VAV2: variants seen among roughly 807,000 people sequenced by gnomAD.
VAV2 encodes guanine nucleotide exchange factor VAV2.
In VAV2, 67 loss-of-function variants were observed where a neutral mutation model predicts 132.5. The ratio of observed to expected loss-of-function variants is 0.51; its 90% CI spans 0.42 to 0.62. VAV2 has a LOEUF of 0.62. Among genes scored for constraint, VAV2 ranks in the 20% least tolerant of loss-of-function variants. The pLI, the probability that VAV2 is intolerant of heterozygous loss-of-function variation, is 0.00. For synonymous variants in VAV2, 492 were observed against 443.5 expected (o/e 1.11, Z -1.37); for missense variants, 938 against 1,153.6 (o/e 0.81, Z 2.71).
intron 3 of VAV2, among the ~76,000 whole-genome samples, chr9:133,835,151 T>C (rs1214939266): frequency 1.3e-5 from 2 of 152,348 alleles, no homozygotes; most frequent in Admixed American, 6.5e-5. Flanking sequence ...ATAATTATAA[T>C]TGTTTTTCTC....
At chr9:133,789,180 AC>A in intron 14 of VAV2, 77 bp downstream of exon 14, 1 of 1,531,702 alleles carries the variant, frequency 6.5e-7, no homozygotes, top group East Asian at 2.3e-5. Flanking sequence ...TTCCAGAGCC[AC>A]TTAGGAGTGG....
chr9:133,786,051 C>T (rs534652896), intron 16 of VAV2, 166 bp from the exon 17 acceptor site: 155 of 698,464 alleles, frequency 2.2e-4, no homozygotes, highest in African/African-American at 1.8e-3. Context: ...TACCTGCTCT[C>T]TTGCCCATGC....
Position 133,910,692 on chromosome 9 carries a change from C to T in VAV2, c.321+28411G>A, listed in dbSNP as rs531055276. Reference sequence around the variant, plus strand: ...ACAAAAACTTAGCCGAGCGTGGTGGCGGGCGCCTGTAGTCCCAGCTACTCG... The same window carrying T: ...ACAAAAACTTAGCCGAGCGTGGTGGTGGGCGCCTGTAGTCCCAGCTACTCG... On this transcript the variant is annotated intron_variant, in intron 2 of 29. Transcript: ENST00000371850. Among the ~76,000 whole-genome samples the T allele has an allele frequency of 8.0e-3, 1,198 of 150,656 alleles. 20 individuals are homozygous for T. The highest frequency in any genetic ancestry group is 0.027 in the African/African-American group (1,113 of 41,040).
At position 133,769,668 on chromosome 9, in the gene VAV2, C is replaced by T. The variant is rs917609903; in HGVS notation, c.2348-165G>A. 6.6e-6 allele frequency among the ~76,000 whole-genome samples: 1 copy of T among 152,130 alleles called. No homozygotes were observed. The highest frequency in any genetic ancestry group is 1.5e-5 in the Non-Finnish European group (1 of 68,002). On this transcript the variant is annotated intron_variant, in intron 27 of 29. Transcript: ENST00000371850. This position sits in a 1 kb window ranked among gnomAD's most constrained non-coding sequence, Gnocchi z 8.1. ...AGGGGGCAGCACGGGTTGTCAAGCC[C>T]CACCCAGGCACAGGTGCCACTCGGC...
At chr9:133,875,445 C>T (rs536762634) in intron 2 of VAV2, among the ~76,000 whole-genome samples, 2 of 152,208 alleles carry the variant, frequency 1.3e-5, no homozygotes, top group African/African-American at 4.8e-5. Flanking sequence ...AGAGGGGGCC[C>T]CACAGACAAA....
At position 133,777,238 on chromosome 9, in the gene VAV2, TG is replaced by T; in HGVS notation, c.1965+150del. ...CACAGCCCCCCACCCATCTTCTCTC[TG>T]GGCTCCAGCTCCAGGAAGCAGCTCA... On this transcript the variant is annotated intron_variant, in intron 23 of 29. Transcript: ENST00000371850. The T allele has an allele frequency of 4.1e-6, 3 of 727,304 alleles. No homozygotes were observed. In the South Asian group the frequency reaches 5.2e-5, roughly 13 times the overall value. The allele number at this position is 727,304 out of a possible 1,614,324, so 45.1% of individuals were successfully genotyped here.
At chr9:133,818,124 G>T (rs925784928) in intron 4 of VAV2, among the ~76,000 whole-genome samples, 5 of 152,146 alleles carry the variant, frequency 3.3e-5, no homozygotes, top group African/African-American at 1.2e-4. Context: ...CAGCACTTTG[G>T]GGGGCCGAGG....
intron 2 of VAV2, among the ~76,000 whole-genome samples, chr9:133,925,580 C>A (rs977880918): frequency 6.6e-6 from 1 of 152,176 alleles, no homozygotes; most frequent in African/African-American, 2.4e-5. Context: ...CCCCAAAGTC[C>A]CCAGGGGCAG....
intron 7 of VAV2, among the ~76,000 whole-genome samples, chr9:133,807,846 C>A (rs1185499391): frequency 6.6e-6 from 1 of 152,204 alleles, no homozygotes; most frequent in South Asian, 2.1e-4. Flanking sequence ...CAGCCTCAGG[C>A]GGGATGTGAA....
intron 2 of VAV2, among the ~76,000 whole-genome samples, chr9:133,873,124 G>A (rs1470217279): frequency 1.4e-5 from 2 of 138,214 alleles, no homozygotes; most frequent in Non-Finnish European, 3.1e-5. Flanking sequence ...GTGGGGGAGG[G>A]AGGAAGGAAG....
Position 133,795,572 on chromosome 9 carries a change from G to A in VAV2, c.1101+96C>T, listed in dbSNP as rs545315306. The A allele has an allele frequency of 7.9e-5, 117 of 1,477,964 alleles. No homozygotes were observed. The East Asian group carries it at 2.6e-3, about 33-fold the overall frequency. 91.6% of individuals were successfully genotyped at this position (1,477,964 alleles called of 1,614,324 possible). On this transcript the variant is annotated intron_variant, in intron 12 of 29. Transcript: ENST00000371850. ...CTGCTGTCCCAGGAAACTGTCCACA[G>A]TCAAAACTGAGGCTCGTTAATGAGC...
intron 29 of VAV2, among the ~76,000 whole-genome samples, chr9:133,767,652 C>G (rs1176521684): frequency 6.6e-6 from 1 of 152,148 alleles, no homozygotes; most frequent in African/African-American, 2.4e-5. Context: ...ACTTGAGGGC[C>G]TCCAAGGGGC....
At chr9:133,941,886 G>C (rs1300557736) in intron 1 of VAV2, among the ~76,000 whole-genome samples, 1 of 152,210 alleles carries the variant, frequency 6.6e-6, no homozygotes, top group Non-Finnish European at 1.5e-5. Flanking sequence ...TTACAGGCGT[G>C]AGCCACCACG....
At chr9:133,922,620 G>C (rs1283121724) in intron 2 of VAV2, among the ~76,000 whole-genome samples, 1 of 152,194 alleles carries the variant, frequency 6.6e-6, no homozygotes, top group Non-Finnish European at 1.5e-5. Context: ...TCCAACACAT[G>C]GTGCTGGGAA....
chr9:133,891,238 C>T (rs1695465488), intron 2 of VAV2, among the ~76,000 whole-genome samples: 1 of 144,896 alleles, frequency 6.9e-6, no homozygotes, highest in Non-Finnish European at 1.5e-5. Flanking sequence ...TTCTCCCTCC[C>T]TCCCTCCCAC....
At chr9:133,847,023 G>A (rs1836960481) in intron 3 of VAV2, among the ~76,000 whole-genome samples, 1 of 152,192 alleles carries the variant, frequency 6.6e-6, no homozygotes, top group South Asian at 2.1e-4. Flanking sequence ...GCCTGAAGGC[G>A]GCCCTGGGTG....
chr9:133,843,443 G>A (rs1038428294), intron 3 of VAV2, among the ~76,000 whole-genome samples: 1 of 152,086 alleles, frequency 6.6e-6, no homozygotes, highest in Admixed American at 6.5e-5. Context: ...TTGGCCTCAC[G>A]CGATCCTCCC....
At chr9:133,933,719 A>T (rs1282984472) in intron 2 of VAV2, among the ~76,000 whole-genome samples, 1 of 116,916 alleles carries the variant, frequency 8.6e-6, no homozygotes, top group East Asian at 3.1e-4. Context: ...GAGTGGGTGG[A>T]TGGATGGATG....
intron 3 of VAV2, among the ~76,000 whole-genome samples, chr9:133,852,644 C>G (rs1273658186): frequency 6.6e-6 from 1 of 152,150 alleles, no homozygotes; most frequent in Non-Finnish European, 1.5e-5. Flanking sequence ...GCTGTTCACG[C>G]CCCCCTGCCA....
Sources: gnomAD v4.1 joint callset for allele counts (sites outside exome capture counted in the v4.1 genomes callset) on GRCh38, gnomAD v4.1.1 for gene constraint, Gnocchi (gnomAD v3.1) non-coding constraint, MANE v1.5 for transcripts, NCBI Gene and HGNC (gene_info 2026-07-23, HGNC 2026-07-21) for gene names.